The following KALRN variants were observed in gnomAD, a reference collection of about 807,000 sequenced individuals.
KALRN encodes the protein kalirin.
A neutral mutation model predicts 353.7 loss-of-function variants in KALRN; 70 were observed. The observed-to-expected ratio is 0.20, with a 90% CI of 0.16 to 0.24. The LOEUF (loss-of-function observed/expected upper bound fraction) is 0.24, where lower values mean the gene tolerates loss of function less well. Ranked by LOEUF, KALRN falls within the 10% of genes least tolerant of loss-of-function variation. The pLI is 1.00. For synonymous variants in KALRN, 1,391 were observed against 1,434.8 expected (o/e 0.97, Z 0.69); for missense variants, 2,791 against 3,756.7 (o/e 0.74, Z 6.72).
chr3:124,302,769 G>A (rs1479118944), intron 6 of KALRN, among the ~76,000 whole-genome samples: 1 of 152,126 alleles, frequency 6.6e-6, no homozygotes, highest in Non-Finnish European at 1.5e-5. Context: ...TTCTCTTGAG[G>A]CCTCTCTTCT....
chr3:124,471,507 C>G (rs2060896884), intron 25 of KALRN, among the ~76,000 whole-genome samples: 1 of 151,804 alleles, frequency 6.6e-6, no homozygotes, highest in Non-Finnish European at 1.5e-5. Flanking sequence ...AGCTTGAACT[C>G]CTGACCTCAG....
chr3:124,474,439 C>A (rs924025028), intron 25 of KALRN, among the ~76,000 whole-genome samples: 1 of 151,728 alleles, frequency 6.6e-6, no homozygotes, highest in Non-Finnish European at 1.5e-5. Context: ...GTGTTCACTC[C>A]GAGAGAAAGA....
intron 10 of KALRN, among the ~76,000 whole-genome samples, chr3:124,358,236 A>G (rs1232885837): frequency 2.0e-5 from 3 of 152,236 alleles, no homozygotes; most frequent in Non-Finnish European, 4.4e-5. Context: ...ACTCTTGACA[A>G]GAAGAAATGG....
intron 3 of KALRN, among the ~76,000 whole-genome samples, chr3:124,261,441 C>T (rs2148860582): frequency 6.6e-6 from 1 of 152,302 alleles, no homozygotes; most frequent in Non-Finnish European, 1.5e-5. Flanking sequence ...TGAAACCAAA[C>T]ACACAAAGCA....
chr3:124,271,819 C>A (rs1299813776), intron 5 of KALRN, among the ~76,000 whole-genome samples: 1 of 152,230 alleles, frequency 6.6e-6, no homozygotes, highest in East Asian at 1.9e-4. Context: ...GTGCCATGGA[C>A]TCTTTTGGTC....
intron 34 of KALRN, among the ~76,000 whole-genome samples, chr3:124,628,092 G>A (rs10934677): frequency 0.33 from 47,260 of 143,292 alleles, 8,991 homozygotes; most frequent in African/African-American, 0.53. Context: ...TGTAGCCACC[G>A]GAGACAGCTG....
At chr3:124,442,205 G>C in intron 19 of KALRN, 146 bp downstream of exon 19, 1 of 493,970 alleles carries the variant, frequency 2.0e-6, no homozygotes, top group Non-Finnish European at 3.6e-6. Context: ...GGTGTGGGCA[G>C]TAATGATTCA....
At chr3:124,115,721 G>C (rs2149541093) in intron 1 of KALRN, among the ~76,000 whole-genome samples, 1 of 152,296 alleles carries the variant, frequency 6.6e-6, no homozygotes, top group Middle Eastern at 3.4e-3. Flanking sequence ...AGCAACGGCA[G>C]CTTGTGGTTT....
At chr3:124,161,849 G>A (rs1224691151) in intron 1 of KALRN, among the ~76,000 whole-genome samples, 1 of 152,214 alleles carries the variant, frequency 6.6e-6, no homozygotes, top group Non-Finnish European at 1.5e-5. Flanking sequence ...TTTCTGAGGA[G>A]TCTCCCATAG....
intron 33 of KALRN, among the ~76,000 whole-genome samples, chr3:124,502,218 G>A (rs926075303): frequency 6.6e-6 from 1 of 152,182 alleles, no homozygotes; most frequent in Non-Finnish European, 1.5e-5. Flanking sequence ...AGGAGTCTCC[G>A]ACTGAGATTC....
chr3:124,215,295 G>A (rs1162923997), intron 1 of KALRN, among the ~76,000 whole-genome samples: 1 of 152,192 alleles, frequency 6.6e-6, no homozygotes, highest in Non-Finnish European at 1.5e-5. Flanking sequence ...TTGGGTAGCA[G>A]AGGGAAACAA....
chr3:124,563,868 A>G (rs1024058133), intron 34 of KALRN, among the ~76,000 whole-genome samples: 1 of 152,018 alleles, frequency 6.6e-6, no homozygotes, highest in Admixed American at 6.6e-5. Flanking sequence ...GGCGGCACAT[A>G]CCTGTAGTCC....
chr3:124,310,601 TAAAC>T (rs2078154963), intron 6 of KALRN, among the ~76,000 whole-genome samples: 1 of 152,204 alleles, frequency 6.6e-6, no homozygotes, highest in Non-Finnish European at 1.5e-5. Context: ...AGTTCATAAA[TAAAC>T]CCATGTGTCT....
At chr3:124,608,781 A>G (rs969630907) in intron 34 of KALRN, among the ~76,000 whole-genome samples, 44 of 152,346 alleles carry the variant, frequency 2.9e-4, no homozygotes, top group African/African-American at 1.0e-3. Flanking sequence ...AGGATAATCT[A>G]GAGTTGTTCT....
At chr3:124,092,749 G>A (rs1442961545) in intron 1 of KALRN, among the ~76,000 whole-genome samples, 4 of 152,332 alleles carry the variant, frequency 2.6e-5, no homozygotes, top group African/African-American at 7.2e-5. Flanking sequence ...TTAATCTTTT[G>A]GAACATGGAT....
intron 57 of KALRN, among the ~76,000 whole-genome samples, chr3:124,704,707 C>A (rs2062512693): frequency 3.9e-5 from 6 of 152,086 alleles, no homozygotes; most frequent in Admixed American, 3.9e-4. Flanking sequence ...GCCATCACAG[C>A]CAGCTAATTT....
At chr3:124,365,491 A>T (rs938948178) in intron 10 of KALRN, among the ~76,000 whole-genome samples, 1 of 152,140 alleles carries the variant, frequency 6.6e-6, no homozygotes, top group Non-Finnish European at 1.5e-5. Context: ...CTGCTGGATG[A>T]TGATGATGAT....
chr3:124,411,556 C>T (rs2092161237), intron 13 of KALRN, among the ~76,000 whole-genome samples: 1 of 147,078 alleles, frequency 6.8e-6, no homozygotes, highest in Non-Finnish European at 1.5e-5. Context: ...ATTCTCCTGC[C>T]TCAGCCTCCC....
chr3:124,158,674 C>T (rs1344091188), intron 1 of KALRN, among the ~76,000 whole-genome samples: 1 of 152,130 alleles, frequency 6.6e-6, no homozygotes, highest in Non-Finnish European at 1.5e-5. Context: ...GCCAGGGTAC[C>T]CTCCTCCCCC....
Sources: allele counts gnomAD v4.1 joint callset (sites outside exome capture counted in the v4.1 genomes callset), GRCh38; gene constraint gnomAD v4.1.1; transcripts MANE v1.5; gene names NCBI Gene and HGNC (gene_info 2026-07-23, HGNC 2026-07-21).